The following MCF2L2 variants were observed in gnomAD, a reference collection of about 807,000 sequenced individuals.
MCF2L2 encodes MCF.2 cell line derived transforming sequence-like 2, also known as probable guanine nucleotide exchange factor MCF2L2.
MCF2L2 carries 102 observed loss-of-function variants against 150.2 expected under a neutral mutation model. The observed-to-expected ratio is 0.68, with a 90% confidence interval of 0.58 to 0.80. The LOEUF is 0.80. Among genes scored for constraint, MCF2L2 ranks in the 30% least tolerant of loss-of-function variants. The probability of loss-of-function intolerance (pLI) is 0.00; values close to 1 mark genes in which losing one functional copy is unlikely to be tolerated. For synonymous variants in MCF2L2, 465 were observed against 491.3 expected, an observed-to-expected ratio of 0.95 and a Z score of 0.71; for missense variants, 1,256 against 1,372.8, an observed-to-expected ratio of 0.91 and a Z score of 1.34.
intron 15 of MCF2L2, among the ~76,000 whole-genome samples, chr3:183,261,144 G>A (rs1297692256): frequency 6.6e-6 from 1 of 152,108 alleles, no homozygotes; most frequent in Admixed American, 6.5e-5. Context: ...GTACCAAATA[G>A]TAACTAGTTA....
intron 11 of MCF2L2, 145 bp downstream of exon 11, chr3:183,299,858 GCA>G (rs1352378573): frequency 4.9e-6 from 4 of 824,510 alleles, no homozygotes; most frequent in Non-Finnish European, 5.6e-6. Flanking sequence ...CCCAGGATCT[GCA>G]CAGTTTTTAA....
chr3:183,370,427 T>C (rs1211851992), intron 3 of MCF2L2, among the ~76,000 whole-genome samples: 1 of 152,238 alleles, frequency 6.6e-6, no homozygotes, highest in Non-Finnish European at 1.5e-5. Context: ...AAATCATGCA[T>C]CAAGAATTCC....
chr3:183,192,905 G>A (rs1227566596), intron 27 of MCF2L2, 94 bp downstream of exon 27: 2 of 854,924 alleles, frequency 2.3e-6, no homozygotes, highest in Non-Finnish European at 3.8e-6. Context: ...AACTAAAGAA[G>A]GGCTGGGCCC....
intron 3 of MCF2L2, among the ~76,000 whole-genome samples, chr3:183,360,686 T>C (rs148056442): frequency 6.6e-6 from 1 of 152,152 alleles, no homozygotes; most frequent in Non-Finnish European, 1.5e-5. Context: ...TACAGTGTAC[T>C]AGGCCAGGCG....
chr3:183,317,971 G>C lies in MCF2L2; in HGVS notation c.753+97C>G, dbSNP rs1729666125. 2.1e-6 allele frequency: 3 copies of C among 1,436,334 alleles called. No homozygotes were observed. The Admixed American group carries it at 6.6e-5, about 31-fold the overall frequency. 89.0% of individuals were successfully genotyped at this position (1,436,334 alleles called of 1,614,324 possible). ...CAAGTCACTAAAGAAGAAGGAAAAC[G>C]AGGGCTTAACTGTTAATTCTGCTTC... On this transcript the variant is annotated intron_variant, in intron 7 of 29. Transcript: ENST00000328913.
At chr3:183,185,905 AT>A (rs1175686699) in intron 27 of MCF2L2, among the ~76,000 whole-genome samples, 8 of 149,632 alleles carry the variant, frequency 5.3e-5, no homozygotes, top group Non-Finnish European at 8.9e-5. Context: ...CTCAGGGCAC[AT>A]TTTTTTTTTC....
intron 2 of MCF2L2, among the ~76,000 whole-genome samples, chr3:183,382,079 G>C (rs1577109186): frequency 8.3e-6 from 1 of 121,016 alleles, no homozygotes; most frequent in Non-Finnish European, 1.9e-5. Context: ...ATTATTATTA[G>C]ATGGAATCTC....
intron 15 of MCF2L2, among the ~76,000 whole-genome samples, chr3:183,275,107 C>G (rs1727086042): frequency 6.6e-6 from 1 of 152,168 alleles, no homozygotes; most frequent in Non-Finnish European, 1.5e-5. Flanking sequence ...TACCTCCTCT[C>G]TTCCCTTAAG....
Position 183,219,906 on chromosome 3 carries a change from A to C in MCF2L2, c.2320T>G (p.Ser774Ala), listed in dbSNP as rs761822655. 1 of 1,613,360 alleles carries C rather than the reference A, an allele frequency of 6.2e-7. No individual in the cohort carries two copies. The highest frequency in any genetic ancestry group is 8.5e-7 in the Non-Finnish European group (1 of 1,179,466). ...GGGTCTATCTCCATATCTTCAGGAG[A>C]CTCGAAATCCAGCAGACCCTGCATT... ...MLLKGLLDFE[S>A]PEDMEIDPGE... The change falls in exon 21 of 30, where the codon TCT (serine) becomes GCT (alanine). Residue 774 changes from serine to alanine, a missense_variant. Coordinates refer to ENST00000328913, the MANE Select transcript of MCF2L2 (RefSeq NM_015078.4).
intron 27 of MCF2L2, among the ~76,000 whole-genome samples, chr3:183,189,990 T>G (rs995042692): frequency 6.6e-6 from 1 of 152,188 alleles, no homozygotes; most frequent in African/African-American, 2.4e-5. Context: ...ACCAGCCCAG[T>G]CTGCCTCTGC....
At chr3:183,220,414 G>A (rs1181029419) in intron 20 of MCF2L2, among the ~76,000 whole-genome samples, 2 of 151,868 alleles carry the variant, frequency 1.3e-5, no homozygotes, top group Non-Finnish European at 2.9e-5. Flanking sequence ...TTTAAAACAT[G>A]GGCTTTGGTT....
intron 11 of MCF2L2, chr3:183,298,813 A>C (rs1482413482): frequency 6.7e-6 from 1 of 148,756 alleles, no homozygotes; most frequent in Non-Finnish European, 1.5e-5. Context: ...TAATCTCTGG[A>C]GCAAAAATGG....
chr3:183,242,402 T>G (rs1303700870), intron 15 of MCF2L2, among the ~76,000 whole-genome samples: 3 of 152,216 alleles, frequency 2.0e-5, no homozygotes, highest in African/African-American at 7.2e-5. Context: ...AGTGGTTTTG[T>G]GGGCCCAGCC....
intron 1 of MCF2L2, among the ~76,000 whole-genome samples, chr3:183,403,253 C>G (rs890249414): frequency 2.0e-5 from 3 of 151,600 alleles, no homozygotes; most frequent in Admixed American, 1.3e-4. Context: ...GCCTGGGTAA[C>G]AGTGAGACTC....
At chr3:183,258,642 C>A (rs1725299298) in intron 15 of MCF2L2, among the ~76,000 whole-genome samples, 1 of 150,400 alleles carries the variant, frequency 6.6e-6, no homozygotes, top group South Asian at 2.1e-4. Flanking sequence ...CAGGACACCA[C>A]CCCCCCGCCC....
chr3:183,383,793 G>T (rs1281273654), intron 2 of MCF2L2, among the ~76,000 whole-genome samples: 1 of 152,080 alleles, frequency 6.6e-6, no homozygotes, highest in African/African-American at 2.4e-5. Context: ...AAAAATATGT[G>T]CATAGGTAGG....
chr3:183,398,967 T>C (rs1305630167), intron 1 of MCF2L2, among the ~76,000 whole-genome samples: 1 of 152,194 alleles, frequency 6.6e-6, no homozygotes, highest in Non-Finnish European at 1.5e-5. Flanking sequence ...CTTACTCTTC[T>C]TTCAAATTAT....
At chr3:183,398,227 CA>C (rs1331993998) in intron 1 of MCF2L2, among the ~76,000 whole-genome samples, 2 of 152,092 alleles carry the variant, frequency 1.3e-5, no homozygotes, top group Non-Finnish European at 2.9e-5. Flanking sequence ...CTGTGAATGC[CA>C]ATGGGAGGTA....
intron 1 of MCF2L2, among the ~76,000 whole-genome samples, chr3:183,423,792 C>T (rs57569661): frequency 0.085 from 12,887 of 151,988 alleles, 571 homozygotes; most frequent in African/African-American, 0.094. Flanking sequence ...GCATGCATCA[C>T]CACGCCTGGC....
Sources: allele counts gnomAD v4.1 joint callset (sites outside exome capture counted in the v4.1 genomes callset), GRCh38; gene constraint gnomAD v4.1.1; transcripts MANE v1.5; gene names NCBI Gene and HGNC (gene_info 2026-07-23, HGNC 2026-07-21).